NANS: variants seen among roughly 807,000 people sequenced by gnomAD.
NANS encodes N-acetylneuraminate synthase, also known as N-acetylneuraminate-9-phosphate synthase.
A neutral mutation model predicts 33.3 loss-of-function variants in NANS; 29 were observed. The observed-to-expected ratio is 0.87, with a 90% confidence interval of 0.65 to 1.19. NANS has a LOEUF of 1.19. Among genes scored for constraint, NANS ranks in the 50% most tolerant of loss-of-function variants. The probability of loss-of-function intolerance (pLI) is 0.00; values close to 1 mark genes in which losing one functional copy is unlikely to be tolerated. For missense variants in NANS, 394 were observed against 461.1 expected, an observed-to-expected ratio of 0.85 and a Z score of 1.33; for synonymous variants, 163 against 177.2, an observed-to-expected ratio of 0.92 and a Z score of 0.64.
At chr9:98,082,241 G>A (rs1371756785) in intron 5 of NANS, 1 of 152,180 alleles carries the variant, frequency 6.6e-6, no homozygotes, top group East Asian at 1.9e-4. Context: ...ACCATCTTAT[G>A]AGTCCTTCAT....
intron 2 of NANS, chr9:98,074,756 G>C (rs148092730): frequency 0.014 from 2,178 of 152,056 alleles, 47 homozygotes; most frequent in African/African-American, 0.05. Flanking sequence ...CCCCTCTCTT[G>C]GGGGGGTTTC....
chr9:98,060,888 C>T lies in NANS; in HGVS notation c.239C>T (p.Thr80Met), dbSNP rs773554497. The T allele has an allele frequency of 3.5e-5, 56 of 1,614,020 alleles. No homozygotes were observed. The highest frequency in any genetic ancestry group is 3.0e-4 in the South Asian group (27 of 91,094). Reference sequence around the variant, plus strand: ...ACCTCGAAGCATTCCTGGGGGAAGACGTACGGGGAGCACAAACGACATCTG... The same window carrying T: ...ACCTCGAAGCATTCCTGGGGGAAGATGTACGGGGAGCACAAACGACATCTG... ...PYTSKHSWGK[T>M]YGEHKRHLEF... The change falls in exon 2 of 6, where the codon ACG becomes ATG. Residue 80 changes from threonine to methionine, a missense_variant. Coordinates refer to ENST00000210444, the MANE Select transcript of NANS (RefSeq NM_018946.4).
rs563059238 is a variant in NANS at position 98,082,913 on chromosome 9, C to T, written c.938C>T (p.Thr313Ile). The T allele has an allele frequency of 3.1e-6, 5 of 1,614,134 alleles. No homozygotes were observed. The highest frequency in any genetic ancestry group is 4.2e-6 in the Non-Finnish European group (5 of 1,180,044). Reference sequence around the variant, plus strand: ...ACCATTCTAACAATGGACATGCTCACCGTGAAGGTGGGTGAGCCCAAAGGC... The same window carrying T: ...ACCATTCTAACAATGGACATGCTCATCGTGAAGGTGGGTGAGCCCAAAGGC... ...EGTILTMDML[T>I]VKVGEPKGYP... Residue 313 changes from threonine to isoleucine, a missense_variant, in exon 6 of 6, where the codon ACC becomes ATC. Transcript: ENST00000210444.
chr9:98,064,203 T>G (rs1829067596), intron 2 of NANS, among the ~76,000 whole-genome samples: 1 of 152,188 alleles, frequency 6.6e-6, no homozygotes, highest in Non-Finnish European at 1.5e-5. Context: ...TTCACAGCAT[T>G]CGTACGCATG....
chr9:98,060,745 C>A, intron 1 of NANS, 37 bp from the exon 2 acceptor site: 1 of 1,598,828 alleles, frequency 6.3e-7, no homozygotes, highest in Non-Finnish European at 8.6e-7. Context: ...TGAGAATCTA[C>A]GACAGTCACT....
At chr9:98,072,718 A>C (rs1411951995) in intron 2 of NANS, among the ~76,000 whole-genome samples, 1 of 152,098 alleles carries the variant, frequency 6.6e-6, no homozygotes, top group Non-Finnish European at 1.5e-5. Flanking sequence ...AGGAAAGTGC[A>C]TTCTTTAAGA....
At chr9:98,073,174 G>C (rs1399520547) in intron 2 of NANS, among the ~76,000 whole-genome samples, 1 of 151,438 alleles carries the variant, frequency 6.6e-6, no homozygotes, top group Non-Finnish European at 1.5e-5. Flanking sequence ...CCTAGGCACG[G>C]TGCCCTCTGA....
At chr9:98,057,314 C>T (rs1001080004) in intron 1 of NANS, among the ~76,000 whole-genome samples, 2 of 152,202 alleles carry the variant, frequency 1.3e-5, no homozygotes, top group African/African-American at 4.8e-5. Context: ...GACTGGGCCC[C>T]TTCCAGCCCG....
intron 2 of NANS, among the ~76,000 whole-genome samples, chr9:98,067,918 C>A (rs1271605271): frequency 6.6e-6 from 1 of 152,012 alleles, no homozygotes; most frequent in African/African-American, 2.4e-5. Flanking sequence ...GACAAGATCT[C>A]ACTATGTAGC....
At chr9:98,064,349 G>A (rs866298646) in intron 2 of NANS, among the ~76,000 whole-genome samples, 3 of 152,106 alleles carry the variant, frequency 2.0e-5, no homozygotes, top group South Asian at 2.1e-4. Flanking sequence ...CACCTCCCGG[G>A]TTCAAGTTAT....
At position 98,076,982 on chromosome 9, in the gene NANS, A is replaced by C; in HGVS notation, c.413A>C (p.Asn138Thr). 1.9e-6 allele frequency: 3 copies of C among 1,611,264 alleles called. No individual in the cohort carries two copies. Among genetic ancestry groups the C allele is most frequent in the Non-Finnish European group, 2.5e-6 (3 of 1,179,152 alleles). The change falls in exon 3 of 6, where the codon AAT (asparagine) becomes ACT (threonine). Residue 138 changes from asparagine to threonine, a missense_variant. Asn to Thr is a moderately conservative substitution (Grantham distance 65). Transcript: ENST00000210444. The part of the protein sequence containing the change: ...PFFKVGSGDT[N>T]NFPYLEKTAK... ...TTCAAAGTTGGATCTGGAGACACTA[A>C]TAATTTTCCTTATCTGGAAAAGACA...
At chr9:98,077,195 T>C (rs890119032) in intron 3 of NANS, among the ~76,000 whole-genome samples, 178 bp downstream of exon 3, 3 of 152,072 alleles carry the variant, frequency 2.0e-5, no homozygotes, top group African/African-American at 7.2e-5. Flanking sequence ...ACTCCTGGCC[T>C]AAAGCAATCC....
chr9:98,079,323 A>G (rs536878075), intron 4 of NANS, among the ~76,000 whole-genome samples: 1 of 152,328 alleles, frequency 6.6e-6, no homozygotes, highest in East Asian at 1.9e-4. Flanking sequence ...CTATTATAGT[A>G]ACATTAATGG....
chr9:98,058,173 T>G (rs930550987), intron 1 of NANS, among the ~76,000 whole-genome samples: 1 of 152,104 alleles, frequency 6.6e-6, no homozygotes, highest in Non-Finnish European at 1.5e-5. Context: ...CACCTTGGCC[T>G]CCGAAAGTGC....
chr9:98,072,902 C>T (rs542367329), intron 2 of NANS, among the ~76,000 whole-genome samples: 4 of 152,240 alleles, frequency 2.6e-5, no homozygotes, highest in African/African-American at 7.2e-5. Context: ...TGTTCTAGGG[C>T]GTTCTCTGTG....
At chr9:98,075,081 C>T (rs1829522452) in intron 2 of NANS, 1 of 151,048 alleles carries the variant, frequency 6.6e-6, no homozygotes, top group South Asian at 2.1e-4. Context: ...CAGGGTGGGA[C>T]AACTGCTTGA....
intron 5 of NANS, among the ~76,000 whole-genome samples, chr9:98,082,383 G>C (rs180759999): frequency 8.5e-5 from 13 of 152,270 alleles, no homozygotes; most frequent in Admixed American, 2.6e-4. Flanking sequence ...CACCCACCCT[G>C]TATGGGCCTC....
chr9:98,067,746 G>C (rs1829190616), intron 2 of NANS, among the ~76,000 whole-genome samples: 1 of 151,676 alleles, frequency 6.6e-6, no homozygotes, highest in African/African-American at 2.4e-5. Flanking sequence ...GTGAGATACG[G>C]TCTTGCTCTG....
At position 98,056,861 on chromosome 9, in the gene NANS, C is replaced by G. The variant is rs139706489; in HGVS notation, c.53C>G (p.Pro18Arg). ...CPGRWVGGQH[P>R]CFIIAEIGQN... Reference sequence around the variant, plus strand: ...GGGCGCTGGGTGGGCGGGCAACACCCGTGCTTCATCATTGCCGAGATCGGC... The same window carrying G: ...GGGCGCTGGGTGGGCGGGCAACACCGGTGCTTCATCATTGCCGAGATCGGC... The change falls in exon 1 of 6, where the codon CCG becomes CGG. Residue 18 changes from proline (P) to arginine (R), a missense_variant. Coordinates refer to ENST00000210444, the MANE Select transcript of NANS (RefSeq NM_018946.4). The G allele has an allele frequency of 1.2e-6, 2 of 1,612,190 alleles. No individual in the cohort carries two copies. The highest frequency in any genetic ancestry group is 2.7e-5 in the African/African-American group (2 of 74,746).
Sources: gnomAD v4.1 joint callset for allele counts (sites outside exome capture counted in the v4.1 genomes callset) on GRCh38, gnomAD v4.1.1 for gene constraint, MANE v1.5 for transcripts, NCBI Gene and HGNC (gene_info 2026-07-23, HGNC 2026-07-21) for gene names.